The following TGFB2 variants were observed in gnomAD, a reference collection of about 807,000 sequenced individuals.
TGFB2 encodes the protein transforming growth factor beta-2 proprotein.
TGFB2 carries 13 observed loss-of-function variants against 42.7 expected under a neutral mutation model. The ratio of observed to expected loss-of-function variants is 0.30; its 90% CI spans 0.20 to 0.48. TGFB2 has a LOEUF of 0.48. Among genes scored for constraint, TGFB2 ranks in the 20% least tolerant of loss-of-function variants. TGFB2 has a pLI of 0.99. For synonymous variants in TGFB2, 193 were observed against 193.6 expected (o/e 1.00, Z 0.03); for missense variants, 390 against 517.5 (o/e 0.75, Z 2.39).
intron 2 of TGFB2, among the ~76,000 whole-genome samples, chr1:218,413,632 A>G (rs1338673167): frequency 6.6e-6 from 1 of 152,180 alleles, no homozygotes; most frequent in Non-Finnish European, 1.5e-5. Flanking sequence ...CAACTTTGTG[A>G]TGGTGTAAAA....
At chr1:218,411,139 A>G (rs545350830) in intron 2 of TGFB2, among the ~76,000 whole-genome samples, 2 of 152,300 alleles carry the variant, frequency 1.3e-5, no homozygotes, top group African/African-American at 4.8e-5. Context: ...CACCCTTTCA[A>G]TAGTCATTTC....
intron 1 of TGFB2, among the ~76,000 whole-genome samples, chr1:218,379,820 G>A (rs986598944): frequency 6.6e-6 from 1 of 151,788 alleles, no homozygotes; most frequent in African/African-American, 2.4e-5. Context: ...GAGGAAGCTG[G>A]GTCTTAAAAT....
intron 1 of TGFB2, among the ~76,000 whole-genome samples, chr1:218,366,503 G>A (rs772063152): frequency 2.6e-5 from 4 of 152,078 alleles, no homozygotes; most frequent in Non-Finnish European, 5.9e-5. Flanking sequence ...TAGAGATGGG[G>A]TCTTGCTATA....
chr1:218,421,169 G>A (rs149387334), intron 2 of TGFB2, among the ~76,000 whole-genome samples: 23 of 152,208 alleles, frequency 1.5e-4, no homozygotes, highest in African/African-American at 3.4e-4. Context: ...ACCCAGTTCT[G>A]ATTCTCTATA....
chr1:218,359,245 C>T (rs1657136184), intron 1 of TGFB2, among the ~76,000 whole-genome samples: 1 of 152,142 alleles, frequency 6.6e-6, no homozygotes, highest in Admixed American at 6.5e-5. Context: ...CCTGTCTTCA[C>T]TGTTTTCTGT....
At chr1:218,347,777 AC>A (rs1345183072) in intron 1 of TGFB2, among the ~76,000 whole-genome samples, 1 of 152,156 alleles carries the variant, frequency 6.6e-6, no homozygotes, top group Non-Finnish European at 1.5e-5. Context: ...GGTTTTGTTC[AC>A]GTTATTTTTC....
At chr1:218,350,535 A>T (rs1242937341) in intron 1 of TGFB2, among the ~76,000 whole-genome samples, 1 of 152,214 alleles carries the variant, frequency 6.6e-6, no homozygotes, top group Non-Finnish European at 1.5e-5. Flanking sequence ...GGGTTACTGA[A>T]TTCTGTTAAC....
At chr1:218,357,776 C>T (rs1188311186) in intron 1 of TGFB2, among the ~76,000 whole-genome samples, 1 of 152,204 alleles carries the variant, frequency 6.6e-6, no homozygotes, top group African/African-American at 2.4e-5. Flanking sequence ...GTGTCCCCGT[C>T]CCTCAGGCCT....
At chr1:218,382,642 C>T (rs1558237282) in intron 1 of TGFB2, among the ~76,000 whole-genome samples, 1 of 152,118 alleles carries the variant, frequency 6.6e-6, no homozygotes, top group Non-Finnish European at 1.5e-5. Flanking sequence ...ACAGTACCAC[C>T]ATGTCCCACT....
At chr1:218,370,408 G>T (rs1657533399) in intron 1 of TGFB2, among the ~76,000 whole-genome samples, 1 of 152,050 alleles carries the variant, frequency 6.6e-6, no homozygotes, top group Admixed American at 6.5e-5. Flanking sequence ...TGCTTAGTGT[G>T]GTCTTTGAAA....
chr1:218,424,290 G>C (rs72738830), intron 2 of TGFB2, among the ~76,000 whole-genome samples: 1 of 152,100 alleles, frequency 6.6e-6, no homozygotes, highest in Non-Finnish European at 1.5e-5. Context: ...CCGAAGAGTA[G>C]CTTATACATT....
intron 2 of TGFB2, among the ~76,000 whole-genome samples, chr1:218,410,095 A>G (rs1659047138): frequency 6.6e-6 from 1 of 152,222 alleles, no homozygotes; most frequent in Admixed American, 6.5e-5. Flanking sequence ...GTTGGTTTCA[A>G]AGAGCTCTCC....
At chr1:218,381,718 A>C (rs1436783627) in intron 1 of TGFB2, among the ~76,000 whole-genome samples, 1 of 152,190 alleles carries the variant, frequency 6.6e-6, no homozygotes, top group African/African-American at 2.4e-5. Context: ...ATTTTCTGCG[A>C]TGTTCCTAAA....
At chr1:218,375,279 A>C (rs996153963) in intron 1 of TGFB2, among the ~76,000 whole-genome samples, 1 of 152,194 alleles carries the variant, frequency 6.6e-6, no homozygotes, top group African/African-American at 2.4e-5. Flanking sequence ...CACATGAGCC[A>C]ACAATAACTC....
At chr1:218,348,416 G>A (rs909979214) in intron 1 of TGFB2, among the ~76,000 whole-genome samples, 2 of 152,158 alleles carry the variant, frequency 1.3e-5, no homozygotes, top group African/African-American at 2.4e-5. Flanking sequence ...TCCTAGCTAT[G>A]TGACCTGCCA....
At chr1:218,386,017 G>A (rs569151381) in intron 1 of TGFB2, among the ~76,000 whole-genome samples, 21 of 152,092 alleles carry the variant, frequency 1.4e-4, no homozygotes, top group South Asian at 1.0e-3. Flanking sequence ...CTGGCTACTC[G>A]CAGGGATGTT....
chr1:218,402,784 C>T (rs974067909), intron 1 of TGFB2, among the ~76,000 whole-genome samples: 4 of 152,206 alleles, frequency 2.6e-5, no homozygotes, highest in African/African-American at 9.7e-5. Flanking sequence ...CCAGGATGCT[C>T]CTTCAAAGGA....
intron 1 of TGFB2, among the ~76,000 whole-genome samples, chr1:218,349,009 A>T (rs973240861): frequency 6.6e-6 from 1 of 152,210 alleles, no homozygotes; most frequent in Non-Finnish European, 1.5e-5. Context: ...GGTCATGGTC[A>T]TCAACAAACT....
intron 2 of TGFB2, among the ~76,000 whole-genome samples, chr1:218,421,962 A>G (rs1275902892): frequency 1.3e-5 from 2 of 152,152 alleles, no homozygotes; most frequent in Non-Finnish European, 2.9e-5. Flanking sequence ...GGCGTCAGAG[A>G]GATCATGGCC....
Sources: gnomAD v4.1 joint callset for allele counts (sites outside exome capture counted in the v4.1 genomes callset) on GRCh38, gnomAD v4.1.1 for gene constraint, MANE v1.5 for transcripts, NCBI Gene and HGNC (gene_info 2026-07-23, HGNC 2026-07-21) for gene names.